Variants in TEX15 observed in about 807,000 individuals in gnomAD.
TEX15 encodes testis expressed 15, meiosis and synapsis associated.
Under a neutral mutation model 237.3 loss-of-function variants are expected in TEX15, and 171 were observed. That is an observed-to-expected ratio of 0.72 (90% CI 0.64 to 0.82). TEX15 has a LOEUF of 0.82. TEX15 is among the 40% of genes least tolerant of loss of function. TEX15 has a pLI of 0.00. For synonymous variants in TEX15, 1,338 were observed against 1,269.8 expected (o/e 1.05, Z -1.14); for missense variants, 3,750 against 3,646.5 (o/e 1.03, Z -0.73).
intron 2 of TEX15, among the ~76,000 whole-genome samples, chr8:30,890,035 G>A (rs985274803): frequency 1.3e-5 from 2 of 148,750 alleles, no homozygotes; most frequent in Non-Finnish European, 3.0e-5. Flanking sequence ...GGAGTCCTGG[G>A]CTATTCTAGA....
intron 7 of TEX15, among the ~76,000 whole-genome samples, chr8:30,852,763 C>T (rs758101050): frequency 5.3e-5 from 8 of 151,960 alleles, no homozygotes; most frequent in African/African-American, 9.7e-5. Flanking sequence ...CAATGCAATA[C>T]GGAAACTAAT....
chr8:30,846,208 C>A lies in TEX15; in HGVS notation c.3959G>T (p.Arg1320Leu). Residue 1320 changes from arginine to leucine, a missense_variant, in exon 8 of 11, where the codon CGA (arginine) becomes CTA (leucine). Transcript: ENST00000643185. The stretch of plus-strand genomic sequence containing the variant: ...CCTCTTTCTCCCATAAATTTTATGT[C>A]GTCTTAAATCTTTATGTGGTATGTT... ...DQNIPHKDLRRHKIYGRKRRL... is the reference protein window; with the variant it reads ...DQNIPHKDLRLHKIYGRKRRL... The A allele has an allele frequency of 6.2e-7, 1 of 1,613,062 alleles. No individual in the cohort carries two copies. The highest frequency in any genetic ancestry group is 8.5e-7 in the Non-Finnish European group (1 of 1,179,566).
At chr8:30,894,239 T>C (rs895227945) in intron 2 of TEX15, among the ~76,000 whole-genome samples, 2 of 152,188 alleles carry the variant, frequency 1.3e-5, no homozygotes, top group African/African-American at 4.8e-5. Flanking sequence ...GAGAACTGCT[T>C]GAGCCTATGA....
At chr8:30,898,334 TTA>T (rs1474636191) in intron 2 of TEX15, among the ~76,000 whole-genome samples, 2 of 152,176 alleles carry the variant, frequency 1.3e-5, no homozygotes, top group Non-Finnish European at 2.9e-5. Context: ...ATTAGCATAC[TTA>T]TTAAAGACCC....
chr8:30,880,411 C>T (rs1808494057), intron 3 of TEX15, among the ~76,000 whole-genome samples: 1 of 152,104 alleles, frequency 6.6e-6, no homozygotes, highest in African/African-American at 2.4e-5. Flanking sequence ...ATAGTTGACT[C>T]ATGAACAATA....
chr8:30,847,078 T>C lies in TEX15; in HGVS notation c.3089A>G (p.Glu1030Gly). 1 of 1,613,198 alleles carries C rather than the reference T, an allele frequency of 6.2e-7. No homozygotes were observed. Among genetic ancestry groups the C allele is most frequent in the Non-Finnish European group, 8.5e-7 (1 of 1,179,626 alleles). The change falls in exon 8 of 11, where the codon GAA (glutamate) becomes GGA (glycine). Residue 1030 changes from glutamate to glycine, a missense_variant. Coordinates refer to ENST00000643185, the MANE Select transcript of TEX15 (RefSeq NM_001350162.2). The part of the protein sequence containing the change: ...LLVKHRVSDC[E>G]IDTDKNKSQE... ...TGATTTATTTTTATCCGTATCAATTTCACAATCAGAAACCCTATGTTTTAC... is the reference window on the plus strand; with the variant it reads ...TGATTTATTTTTATCCGTATCAATTCCACAATCAGAAACCCTATGTTTTAC...
Position 30,844,360 on chromosome 8 carries a change from G to C in TEX15, c.5807C>G (p.Ser1936Cys), listed in dbSNP as rs1807539661. Residue 1936 changes from serine to cysteine, a missense_variant, in exon 8 of 11, where the codon TCT becomes TGT. Transcript: ENST00000643185. ...GEIKVSKDSQ[S>C]DLTLHSEIAY... ...TATTTCTGAATGTAATGTCAAGTCA[G>C]ACTGCGAGTCTTTACTAACTTTAAT... 6.2e-7 allele frequency: 1 copy of C among 1,610,984 alleles called. No individual in the cohort carries two copies. The highest frequency in any genetic ancestry group is 1.1e-5 in the South Asian group (1 of 90,328).
chr8:30,840,402 G>C (rs1450392673), intron 8 of TEX15, among the ~76,000 whole-genome samples: 1 of 152,056 alleles, frequency 6.6e-6, no homozygotes, highest in South Asian at 2.1e-4. Flanking sequence ...CACTATGTTG[G>C]TCAGGCTGGT....
chr8:30,846,395 T>C lies in TEX15; in HGVS notation c.3772A>G (p.Ser1258Gly). Residue 1258 changes from serine (S) to glycine (G), a missense_variant, in exon 8 of 11, where the codon AGT (serine) becomes GGT (glycine). Ser to Gly is a moderately conservative substitution (Grantham distance 56, BLOSUM62 0). Transcript: ENST00000643185. ...DVNHTSENQN[S>G]ESLFTEPSNV... ...GAAGGTTCAGTAAACAAAGATTCACTGTTCTGATTTTCAGACGTATGATTC... is the reference window on the plus strand; with the variant it reads ...GAAGGTTCAGTAAACAAAGATTCACCGTTCTGATTTTCAGACGTATGATTC... 1 of 1,613,430 alleles carries C rather than the reference T, an allele frequency of 6.2e-7. No individual in the cohort carries two copies. Among genetic ancestry groups the C allele is most frequent in the Non-Finnish European group, 8.5e-7 (1 of 1,179,708 alleles).
chr8:30,886,697 G>T (rs1404851143), intron 3 of TEX15, among the ~76,000 whole-genome samples: 1 of 152,182 alleles, frequency 6.6e-6, no homozygotes, highest in Non-Finnish European at 1.5e-5. Flanking sequence ...TATATTTAAT[G>T]TCAAACAGGT....
chr8:30,858,986 A>C (rs1807976648), intron 6 of TEX15, among the ~76,000 whole-genome samples, 156 bp from the exon 7 acceptor site: 1 of 152,212 alleles, frequency 6.6e-6, no homozygotes, highest in African/African-American at 2.4e-5. Flanking sequence ...TTGAAGATGT[A>C]CAGAATTCCT....
intron 3 of TEX15, among the ~76,000 whole-genome samples, chr8:30,877,334 C>T (rs1808421455): frequency 6.6e-6 from 1 of 152,106 alleles, no homozygotes; most frequent in Non-Finnish European, 1.5e-5. Context: ...AACATGGAAT[C>T]CTCAAATAAT....
intron 10 of TEX15, 124 bp downstream of exon 10, chr8:30,836,679 C>T: frequency 1.1e-6 from 1 of 900,200 alleles, no homozygotes; most frequent in South Asian, 1.8e-5. Flanking sequence ...TTCTACAAAT[C>T]TGTACAGAAA....
At chr8:30,858,191 G>A (rs1482068084) in intron 7 of TEX15, among the ~76,000 whole-genome samples, 1 of 151,796 alleles carries the variant, frequency 6.6e-6, no homozygotes, top group Non-Finnish European at 1.5e-5. Flanking sequence ...TATCAATAGG[G>A]AAGAATCACA....
intron 1 of TEX15, among the ~76,000 whole-genome samples, chr8:30,910,610 C>CTTTT (rs796129316): frequency 2.0e-4 from 20 of 97,872 alleles, no homozygotes; most frequent in Admixed American, 3.4e-4. Context: ...CACGCCTGGC[C>CTTTT]TTTTTTTTTT....
chr8:30,867,975 T>C (rs1808209227), intron 4 of TEX15, among the ~76,000 whole-genome samples: 1 of 152,192 alleles, frequency 6.6e-6, no homozygotes, highest in Non-Finnish European at 1.5e-5. Context: ...TTTTTGTTAA[T>C]TGTGTTATGG....
chr8:30,866,692 A>G (rs867155011), intron 5 of TEX15, among the ~76,000 whole-genome samples: 11 of 151,390 alleles, frequency 7.3e-5, no homozygotes, highest in African/African-American at 2.2e-4. Context: ...CATGGTGGCT[A>G]TTTTCTTCTA....
rs754024451 is a variant in TEX15 at position 30,844,878 on chromosome 8, T to C, written c.5289A>G (p.Glu1763=). Residue 1763 remains glutamate, a synonymous_variant, in exon 8 of 11, where the codon GAA becomes GAG. Transcript: ENST00000643185. ...TVPHCEQSCR[E]KELLKTEQCS... ...ACTGTTCTGTCTTTAGAAGCTCTTT[T>C]TCTCTACAGCTCTGCTCACAGTGTG... 48 of 1,613,368 alleles carry C rather than the reference T, an allele frequency of 3.0e-5. No individual in the cohort carries two copies. Among genetic ancestry groups the C allele is most frequent in the Non-Finnish European group, 4.0e-5 (47 of 1,179,582 alleles).
At chr8:30,903,896 T>A (rs1325185155) in intron 1 of TEX15, among the ~76,000 whole-genome samples, 3 of 152,180 alleles carry the variant, frequency 2.0e-5, no homozygotes, top group Non-Finnish European at 4.4e-5. Flanking sequence ...GCTAATAGGT[T>A]GTGAAAGATG....
Sources: allele counts gnomAD v4.1 joint callset (sites outside exome capture counted in the v4.1 genomes callset), GRCh38; gene constraint gnomAD v4.1.1; transcripts MANE v1.5; gene names NCBI Gene and HGNC (gene_info 2026-07-23, HGNC 2026-07-21).